Variants in LRRTM4 observed in about 807,000 individuals in gnomAD.
The protein encoded by LRRTM4 is leucine rich repeat transmembrane neuronal 4, also known as leucine-rich repeat transmembrane neuronal protein 4.
LRRTM4 carries 25 observed loss-of-function variants against 47.6 expected under a neutral mutation model. That is an observed-to-expected ratio of 0.53 (90% CI 0.38 to 0.73). LRRTM4 has a LOEUF of 0.73. Among genes scored for constraint, LRRTM4 ranks in the 30% least tolerant of loss-of-function variants. The pLI is 0.00. For synonymous variants in LRRTM4, 311 were observed against 269.5 expected (o/e 1.15, Z -1.51); for missense variants, 638 against 713.4 (o/e 0.89, Z 1.20).
At chr2:76,811,367 G>C (rs982505050) in intron 3 of LRRTM4, among the ~76,000 whole-genome samples, 5 of 152,148 alleles carry the variant, frequency 3.3e-5, no homozygotes, top group African/African-American at 1.2e-4. Context: ...GAGGCTTGAA[G>C]GTCCAAGATG....
intron 3 of LRRTM4, among the ~76,000 whole-genome samples, chr2:77,399,486 G>A (rs752564971): frequency 1.1e-4 from 16 of 151,740 alleles, no homozygotes; most frequent in Non-Finnish European, 1.6e-4. Flanking sequence ...GAGCTGTTGC[G>A]GAGTTGTCAG....
At chr2:76,886,405 G>C (rs1341993845) in intron 3 of LRRTM4, among the ~76,000 whole-genome samples, 1 of 152,046 alleles carries the variant, frequency 6.6e-6, no homozygotes, top group South Asian at 2.1e-4. Context: ...CTTTAGTTAA[G>C]TTTCTCTGCT....
chr2:76,950,780 T>C (rs1460198258), intron 3 of LRRTM4, among the ~76,000 whole-genome samples: 1 of 151,964 alleles, frequency 6.6e-6, no homozygotes, highest in Non-Finnish European at 1.5e-5. Flanking sequence ...TCAAGAGCAG[T>C]TGTAGGTACT....
chr2:76,839,030 G>A (rs985055431), intron 3 of LRRTM4, among the ~76,000 whole-genome samples: 9 of 152,016 alleles, frequency 5.9e-5, no homozygotes, highest in African/African-American at 2.2e-4. Context: ...ACCATTATAG[G>A]AGCCAGATTA....
intron 3 of LRRTM4, among the ~76,000 whole-genome samples, chr2:76,939,410 G>T (rs1248002004): frequency 1.3e-5 from 2 of 152,086 alleles, no homozygotes; most frequent in Non-Finnish European, 2.9e-5. Flanking sequence ...AAGCATGTCT[G>T]CTCTTTAAGA....
chr2:77,356,539 T>G (rs1189741554), intron 3 of LRRTM4, among the ~76,000 whole-genome samples: 1 of 152,180 alleles, frequency 6.6e-6, no homozygotes, highest in African/African-American at 2.4e-5. Context: ...ATCTTCAATT[T>G]TGGTGGTTAA....
chr2:77,319,073 G>C (rs1199047395), intron 3 of LRRTM4, among the ~76,000 whole-genome samples: 1 of 151,918 alleles, frequency 6.6e-6, no homozygotes, highest in Non-Finnish European at 1.5e-5. Context: ...GGTATAGCTT[G>C]GTACACATCT....
At chr2:77,342,711 G>T (rs1671416628) in intron 3 of LRRTM4, among the ~76,000 whole-genome samples, 2 of 151,910 alleles carry the variant, frequency 1.3e-5, no homozygotes, top group South Asian at 2.1e-4. Flanking sequence ...AAAGCTAGAT[G>T]GTGTAGGTTG....
At chr2:77,490,493 A>T (rs1403335418) in intron 3 of LRRTM4, among the ~76,000 whole-genome samples, 1 of 152,176 alleles carries the variant, frequency 6.6e-6, no homozygotes, top group African/African-American at 2.4e-5. Context: ...TCCTACAGTG[A>T]GAAGAAGAGC....
intron 3 of LRRTM4, among the ~76,000 whole-genome samples, chr2:77,142,078 GTAATAAGTGTTCTCT>G (rs968836823): frequency 6.6e-6 from 1 of 152,172 alleles, no homozygotes; most frequent in Non-Finnish European, 1.5e-5. Flanking sequence ...CAGAGCACAA[GTAATAAGTGTTCTCT>G]TCACTAACAG....
chr2:76,785,363 C>T (rs1438717383), intron 3 of LRRTM4, among the ~76,000 whole-genome samples: 2 of 152,080 alleles, frequency 1.3e-5, no homozygotes, highest in African/African-American at 4.8e-5. Context: ...AGAGCATCAA[C>T]TTATAACAGT....
chr2:76,965,809 T>C (rs1676005956), intron 3 of LRRTM4, among the ~76,000 whole-genome samples: 1 of 151,456 alleles, frequency 6.6e-6, no homozygotes, highest in African/African-American at 2.4e-5. Context: ...ACATAAGTTA[T>C]ATGTGCTCAT....
At chr2:77,075,752 A>G (rs1680312436) in intron 3 of LRRTM4, among the ~76,000 whole-genome samples, 1 of 150,174 alleles carries the variant, frequency 6.7e-6, no homozygotes, top group African/African-American at 2.5e-5. Context: ...CGTCTCTACT[A>G]AAAATACAAA....
At chr2:77,472,861 A>G (rs1176603436) in intron 3 of LRRTM4, among the ~76,000 whole-genome samples, 1 of 97,392 alleles carries the variant, frequency 1.0e-5, no homozygotes, top group Non-Finnish European at 2.7e-5. Flanking sequence ...AGGAAGGAAT[A>G]AATGAATGAA....
At chr2:76,773,397 T>G (rs528499137) in intron 3 of LRRTM4, among the ~76,000 whole-genome samples, 71 of 152,332 alleles carry the variant, frequency 4.7e-4, no homozygotes, top group Non-Finnish European at 8.4e-4. Flanking sequence ...AACTCTTTCT[T>G]GCCATTTAAC....
chr2:77,076,857 A>T (rs1300846931), intron 3 of LRRTM4, among the ~76,000 whole-genome samples: 1 of 152,162 alleles, frequency 6.6e-6, no homozygotes, highest in Non-Finnish European at 1.5e-5. Flanking sequence ...TTATTACTAG[A>T]GCTATGCCAG....
chr2:77,035,050 A>C (rs1573479915), intron 3 of LRRTM4, among the ~76,000 whole-genome samples: 2 of 151,410 alleles, frequency 1.3e-5, no homozygotes, highest in Non-Finnish European at 3.0e-5. Context: ...TATTTTTATT[A>C]TTTTTTTTCT....
rs143911344 is a variant in LRRTM4 at position 76,803,030 on chromosome 2, T to C, written c.1552-54114A>G. 1.4e-3 allele frequency among the ~76,000 whole-genome samples: 212 copies of C among 152,236 alleles called. 4 individuals carry two copies. In the East Asian group the frequency reaches 0.032, roughly 23 times the overall value. On this transcript the variant is annotated intron_variant, in intron 3 of 3. Transcript: ENST00000409884. ...AAAACAGGGGATAAGCTCCATGAGATTGGTCTGGGTAATGATTTATTTTTA... is the reference window on the plus strand; with the variant it reads ...AAAACAGGGGATAAGCTCCATGAGACTGGTCTGGGTAATGATTTATTTTTA...
At chr2:76,899,896 T>C (rs1673563564) in intron 3 of LRRTM4, among the ~76,000 whole-genome samples, 1 of 152,156 alleles carries the variant, frequency 6.6e-6, no homozygotes. Flanking sequence ...ATGACATCCA[T>C]ACTTATACCA....
Sources: allele counts gnomAD v4.1 joint callset (sites outside exome capture counted in the v4.1 genomes callset), GRCh38; gene constraint gnomAD v4.1.1; transcripts MANE v1.5; gene names NCBI Gene and HGNC (gene_info 2026-07-23, HGNC 2026-07-21).